RCAN1: variants seen among roughly 807,000 people sequenced by gnomAD.
The protein encoded by RCAN1 is regulator of calcineurin 1.
Under a neutral mutation model 22.9 loss-of-function variants are expected in RCAN1, and 11 were observed. That is an observed-to-expected ratio of 0.48 (90% CI 0.30 to 0.79). RCAN1 has a LOEUF of 0.79. Among genes scored for constraint, RCAN1 ranks in the 30% least tolerant of loss-of-function variants. RCAN1 has a pLI of 0.06. For synonymous variants in RCAN1, 136 were observed against 142.3 expected, an observed-to-expected ratio of 0.96 and a Z score of 0.32; for missense variants, 291 against 337.8, an observed-to-expected ratio of 0.86 and a Z score of 1.09.
chr21:34,580,762 TAGAG>T (rs1460989023), intron 1 of RCAN1, among the ~76,000 whole-genome samples: 1 of 152,180 alleles, frequency 6.6e-6, no homozygotes, highest in Non-Finnish European at 1.5e-5. Flanking sequence ...GAATCCTTCC[TAGAG>T]AGGTCAAGTG....
At chr21:34,556,108 CAAAAA>C (rs10541076) in intron 1 of RCAN1, among the ~76,000 whole-genome samples, 1 of 118,646 alleles carries the variant, frequency 8.4e-6, no homozygotes, top group Admixed American at 8.8e-5. Context: ...AATTAAAGGC[CAAAAA>C]AAAAAAAAAA....
intron 1 of RCAN1, among the ~76,000 whole-genome samples, chr21:34,553,314 C>G (rs1986438236): frequency 6.6e-6 from 1 of 152,020 alleles, no homozygotes; most frequent in African/African-American, 2.4e-5. Context: ...GGTGCTTTTG[C>G]TTCATTGGTG....
chr21:34,594,020 T>G (rs941939480), intron 1 of RCAN1, among the ~76,000 whole-genome samples: 1 of 152,182 alleles, frequency 6.6e-6, no homozygotes, highest in Non-Finnish European at 1.5e-5. Context: ...ATTTTCAGAG[T>G]TGTTGCAAAA....
chr21:34,558,636 G>A (rs72613615), intron 1 of RCAN1, among the ~76,000 whole-genome samples: 6 of 88,966 alleles, frequency 6.7e-5, no homozygotes, highest in East Asian at 3.9e-4. Context: ...ACAACTTAAC[G>A]TATTTCCTAA....
intron 1 of RCAN1, among the ~76,000 whole-genome samples, chr21:34,583,129 C>T (rs1382122019): frequency 6.6e-6 from 1 of 151,782 alleles, no homozygotes; most frequent in African/African-American, 2.4e-5. Flanking sequence ...TGTGTTGAAG[C>T]CCTAACCATC....
chr21:34,539,345 G>A (rs1985818761), intron 1 of RCAN1, among the ~76,000 whole-genome samples: 1 of 152,188 alleles, frequency 6.6e-6, no homozygotes, highest in African/African-American at 2.4e-5. Context: ...TAGTAAGGTG[G>A]TGAAAACTAA....
At chr21:34,580,637 T>C (rs143112391) in intron 1 of RCAN1, among the ~76,000 whole-genome samples, 270 of 152,272 alleles carry the variant, frequency 1.8e-3, no homozygotes, top group African/African-American at 6.3e-3. Context: ...GTGTGGTGAC[T>C]GCCTGCACAG....
At chr21:34,556,649 T>C (rs976926613) in intron 1 of RCAN1, among the ~76,000 whole-genome samples, 1 of 152,224 alleles carries the variant, frequency 6.6e-6, no homozygotes, top group African/African-American at 2.4e-5. Context: ...TGGAAATAGT[T>C]TATTTTTGCA....
Position 34,519,344 on chromosome 21 carries a change from G to A in RCAN1, c.587-1088C>T, listed in dbSNP as rs77024202. 1.8e-3 allele frequency among the ~76,000 whole-genome samples: 273 copies of A among 151,816 alleles called. 2 individuals are homozygous for A. Among genetic ancestry groups the A allele is most frequent in the African/African-American group, 6.0e-3 (249 of 41,442 alleles). ...GCCTCATGGTCAGTTTTCTTCCAGG[G>A]CTTTGTGCTTGGGATTTCTTTTCTT... On this transcript the variant is annotated intron_variant, in intron 3 of 3. Transcript: ENST00000313806.
chr21:34,540,483 C>T (rs999827099), intron 1 of RCAN1, among the ~76,000 whole-genome samples: 1 of 152,188 alleles, frequency 6.6e-6, no homozygotes, highest in Non-Finnish European at 1.5e-5. Flanking sequence ...CGTGACTTCT[C>T]GAACTCCTTG....
chr21:34,553,200 T>G (rs957005346), intron 1 of RCAN1, among the ~76,000 whole-genome samples: 14 of 152,188 alleles, frequency 9.2e-5, no homozygotes, highest in Admixed American at 3.3e-4. Context: ...GCAGCCACAA[T>G]GGACTTTTAG....
chr21:34,556,205 C>T (rs987846222), intron 1 of RCAN1, among the ~76,000 whole-genome samples: 4 of 149,942 alleles, frequency 2.7e-5, no homozygotes, highest in Non-Finnish European at 5.9e-5. Context: ...GGGAGGATAG[C>T]TTGAGCTCAG....
chr21:34,615,075 A>G lies in RCAN1; in HGVS notation c.-64T>C. On this transcript the variant is annotated 5_prime_UTR_variant, in exon 1 of 4. Transcript: ENST00000313806. ...CTCCGGGCTTGCGCGCCGGAGCCTCACGCGCTCCGGTCCGCGCCCGGCCGG... is the reference window on the plus strand; with the variant it reads ...CTCCGGGCTTGCGCGCCGGAGCCTCGCGCGCTCCGGTCCGCGCCCGGCCGG... 9.9e-7 allele frequency: 1 copy of G among 1,008,952 alleles called. No individual in the cohort carries two copies. The highest frequency in any genetic ancestry group is 1.2e-6 in the Non-Finnish European group (1 of 846,304). The allele number at this position is 1,008,952 out of a possible 1,614,324, so 62.5% of individuals were successfully genotyped here.
intron 1 of RCAN1, among the ~76,000 whole-genome samples, chr21:34,570,993 A>C (rs1306512362): frequency 6.6e-6 from 1 of 152,194 alleles, no homozygotes; most frequent in African/African-American, 2.4e-5. Flanking sequence ...GAGTTCCTTT[A>C]TAAACAAATG....
At chr21:34,525,420 C>T (rs774320962) in intron 1 of RCAN1, 3 of 1,416,052 alleles carry the variant, frequency 2.1e-6, no homozygotes, top group East Asian at 2.6e-5. Flanking sequence ...TTCATCTGGC[C>T]GCCTCTCACT....
At chr21:34,569,048 A>G (rs1987139912) in intron 1 of RCAN1, among the ~76,000 whole-genome samples, 1 of 152,150 alleles carries the variant, frequency 6.6e-6, no homozygotes, top group African/African-American at 2.4e-5. Flanking sequence ...AGCATGGGGG[A>G]CACCGCCCCC....
chr21:34,521,774 G>A, intron 2 of RCAN1, 116 bp from the exon 3 acceptor site: 1 of 824,666 alleles, frequency 1.2e-6, no homozygotes, highest in Non-Finnish European at 1.9e-6. Context: ...CGTCAGGACA[G>A]GTGTGATTCC....
At chr21:34,539,022 C>T (rs1382715151) in intron 1 of RCAN1, among the ~76,000 whole-genome samples, 3 of 152,092 alleles carry the variant, frequency 2.0e-5, no homozygotes, top group Non-Finnish European at 4.4e-5. Context: ...TATTCCACTC[C>T]AAATCATTAG....
intron 1 of RCAN1, among the ~76,000 whole-genome samples, chr21:34,607,610 G>A (rs991912203): frequency 6.6e-6 from 1 of 152,102 alleles, no homozygotes; most frequent in Non-Finnish European, 1.5e-5. Context: ...ATGCTGGTCT[G>A]GAACTCCTGG....
Sources: gnomAD v4.1 joint callset for allele counts (sites outside exome capture counted in the v4.1 genomes callset) on GRCh38, gnomAD v4.1.1 for gene constraint, MANE v1.5 for transcripts, NCBI Gene and HGNC (gene_info 2026-07-23, HGNC 2026-07-21) for gene names.